TNRC6A: variants seen among roughly 807,000 people sequenced by gnomAD.
TNRC6A encodes the protein trinucleotide repeat containing adaptor 6A.
In TNRC6A, 44 loss-of-function variants were observed where a neutral mutation model predicts 221.2. The observed-to-expected ratio is 0.20, with a 90% confidence interval of 0.16 to 0.26. The LOEUF (loss-of-function observed/expected upper bound fraction) is 0.26, where lower values mean the gene tolerates loss of function less well. TNRC6A is among the 10% of genes least tolerant of loss of function. The pLI is 1.00. For synonymous variants in TNRC6A, 847 were observed against 838.5 expected (o/e 1.01, Z -0.18); for missense variants, 2,199 against 2,404.4 (o/e 0.91, Z 1.79).
intron 2 of TNRC6A, among the ~76,000 whole-genome samples, chr16:24,657,936 T>C (rs139576475): frequency 1.9e-4 from 29 of 152,300 alleles, no homozygotes; most frequent in African/African-American, 6.5e-4. Flanking sequence ...TGGGTTTTCT[T>C]TGGTACTATC....
intron 4 of TNRC6A, among the ~76,000 whole-genome samples, chr16:24,772,115 G>T (rs1392270762): frequency 6.6e-6 from 1 of 152,128 alleles, no homozygotes; most frequent in African/African-American, 2.4e-5. Context: ...CAATTTAGTT[G>T]GGTTTTGTTT....
intron 2 of TNRC6A, among the ~76,000 whole-genome samples, chr16:24,698,812 G>A (rs892584775): frequency 2.0e-5 from 3 of 152,172 alleles, no homozygotes; most frequent in African/African-American, 7.2e-5. Context: ...CTGGGTTCAA[G>A]CGATTCTCCT....
At position 24,713,705 on chromosome 16, in the gene TNRC6A, G is replaced by T. The variant is rs144119334; in HGVS notation, n.403-37021G>T. ...TCTGTCACCCATCTTGGAGTGCAGT[G>T]GCATGATCTTGGCTTACTGCAACCT... On this transcript the variant is annotated intron_variant and non_coding_transcript_variant, in intron 2 of 2. Coordinates refer to the TNRC6A transcript ENST00000566108. Among the ~76,000 whole-genome samples the T allele has an allele frequency of 8.6e-3, 1,314 of 151,962 alleles. 11 individuals are homozygous for T. The highest frequency in any genetic ancestry group is 0.031 in the Middle Eastern group (9 of 294).
chr16:24,782,477 G>T (rs1163170635), intron 5 of TNRC6A, among the ~76,000 whole-genome samples: 2 of 152,164 alleles, frequency 1.3e-5, no homozygotes, highest in East Asian at 3.9e-4. Flanking sequence ...CAGACCATCT[G>T]GCTCGCAAGG....
intron 2 of TNRC6A, among the ~76,000 whole-genome samples, chr16:24,652,782 A>T (rs968637679): frequency 5.3e-5 from 8 of 152,204 alleles, no homozygotes; most frequent in African/African-American, 1.9e-4. Context: ...CCAGTTTTAA[A>T]TTAATAGTGC....
upstream of TNRC6A, among the ~76,000 whole-genome samples, chr16:24,725,707 G>GA (rs897496962): frequency 7.4e-4 from 105 of 141,374 alleles, no homozygotes; most frequent in East Asian, 3.6e-3. Context: ...GTTTGCTTAA[G>GA]AAAAAAAAAA....
chr16:24,683,246 G>A (rs142328966), intron 2 of TNRC6A, among the ~76,000 whole-genome samples: 2 of 152,208 alleles, frequency 1.3e-5, no homozygotes, highest in Non-Finnish European at 2.9e-5. Flanking sequence ...TCACTCACTG[G>A]AGTGCAGTGG....
At chr16:24,725,211 C>A (rs2056471688), upstream of TNRC6A, among the ~76,000 whole-genome samples, 1 of 152,036 alleles carries the variant, frequency 6.6e-6, no homozygotes, top group African/African-American at 2.4e-5. Context: ...ACTCTGTCAC[C>A]CAGACTGGAG....
intron 2 of TNRC6A, among the ~76,000 whole-genome samples, chr16:24,666,153 C>G (rs1390929752): frequency 1.3e-5 from 2 of 151,914 alleles, no homozygotes; most frequent in Non-Finnish European, 2.9e-5. Context: ...ATAGCAAGAC[C>G]CCATCTCTAC....
At chr16:24,726,125 T>C (rs946694704), upstream of TNRC6A, among the ~76,000 whole-genome samples, 1 of 152,128 alleles carries the variant, frequency 6.6e-6, no homozygotes, top group African/African-American at 2.4e-5. Flanking sequence ...ATAAATACTG[T>C]GTGAGTGAAT....
In TNRC6A at chr16:24,729,668, TGCGGCGGCGGCG is replaced by T. The variant is rs1196544740; in HGVS notation, c.-172_-161del. 6.2e-6 allele frequency: 4 copies of T among 649,368 alleles called. 1 individual carries two copies. The highest frequency in any genetic ancestry group is 8.7e-6 in the Non-Finnish European group (4 of 458,756). 40.2% of individuals were successfully genotyped at this position (649,368 alleles called of 1,614,324 possible). A position where few individuals can be genotyped will look rare whatever the true frequency, so the allele number is the denominator to read the frequency against. On this transcript the variant is annotated 5_prime_UTR_variant, in exon 1 of 25. Transcript: ENST00000395799. ...GGGCATTCACTTCCGGTCTGGGGCC[TGCGGCGGCGGCG>T]GTGTCGGCGGCGGCGGCGGCGGCGG...
At chr16:24,641,305 G>A (rs546459691) in intron 2 of TNRC6A, among the ~76,000 whole-genome samples, 4 of 152,224 alleles carry the variant, frequency 2.6e-5, no homozygotes, top group African/African-American at 9.6e-5. Flanking sequence ...GCCATTCTGC[G>A]ACCCATGCTC....
At chr16:24,801,267 A>AT (rs1418195998) in intron 11 of TNRC6A, among the ~76,000 whole-genome samples, 1 of 152,198 alleles carries the variant, frequency 6.6e-6, no homozygotes, top group Admixed American at 6.5e-5. Context: ...GAATAATGGC[A>AT]TTTAGGGGAG....
intron 4 of TNRC6A, among the ~76,000 whole-genome samples, chr16:24,774,117 C>A (rs2057671506): frequency 6.6e-6 from 1 of 152,020 alleles, no homozygotes; most frequent in Non-Finnish European, 1.5e-5. Context: ...CTTTTTCCCC[C>A]CTTCCAGTGG....
Position 24,635,087 on chromosome 16 carries a change from TTTTC to T in TNRC6A, n.277-5777_277-5774del, listed in dbSNP as rs201050969. Among the ~76,000 whole-genome samples, 857 of 150,216 alleles carry T rather than the reference TTTTC, an allele frequency of 5.7e-3. 3 individuals carry two copies. The highest frequency in any genetic ancestry group is 8.4e-3 in the African/African-American group (343 of 40,646). ...ACCTTTCTTTCTTTTTCTTTCTTTC[TTTTC>T]TTTCTTTCTTTCTTTCTTTATTTCT... is the stretch of plus-strand genomic sequence containing the variant. On this transcript the variant is annotated intron_variant and non_coding_transcript_variant, in intron 1 of 2. Transcript: ENST00000566108.
intron 1 of TNRC6A, among the ~76,000 whole-genome samples, chr16:24,629,417 C>T (rs1345035794): frequency 6.6e-6 from 1 of 152,184 alleles, no homozygotes; most frequent in Non-Finnish European, 1.5e-5. Flanking sequence ...CATTCAGTTT[C>T]AGCCTAAATA....
At chr16:24,732,084 C>T (rs541992167) in intron 2 of TNRC6A, among the ~76,000 whole-genome samples, 1 of 152,250 alleles carries the variant, frequency 6.6e-6, no homozygotes, top group African/African-American at 2.4e-5. Context: ...AATATTCAGT[C>T]GGTCAGAAGG....
At chr16:24,788,560 C>T (rs767288274) in intron 5 of TNRC6A, among the ~76,000 whole-genome samples, 2 of 152,150 alleles carry the variant, frequency 1.3e-5, no homozygotes, top group African/African-American at 2.4e-5. Flanking sequence ...CTTCTCCTTA[C>T]CTGTCTTTCC....
chr16:24,618,120 A>AT (rs1246081847), intron 1 of TNRC6A, among the ~76,000 whole-genome samples: 1 of 129,264 alleles, frequency 7.7e-6, no homozygotes, highest in African/African-American at 3.2e-5. Flanking sequence ...GGGTTTCGCC[A>AT]TGTTGCCCAG....
Sources: allele counts gnomAD v4.1 joint callset (sites outside exome capture counted in the v4.1 genomes callset), GRCh38; gene constraint gnomAD v4.1.1; transcripts MANE v1.5; gene names NCBI Gene and HGNC (gene_info 2026-07-23, HGNC 2026-07-21).